SGK1: variants seen among roughly 807,000 people sequenced by gnomAD.
SGK1 encodes serum/glucocorticoid regulated kinase 1.
In SGK1, 26 loss-of-function variants were observed where a neutral mutation model predicts 64.2. The observed-to-expected ratio is 0.40, with a 90% CI of 0.30 to 0.56. The LOEUF is 0.56. Ranked by LOEUF, SGK1 falls within the 20% of genes least tolerant of loss-of-function variation. The probability of loss-of-function intolerance (pLI) is 0.38; values close to 1 mark genes in which losing one functional copy is unlikely to be tolerated. For synonymous variants in SGK1, 265 were observed against 239.7 expected (o/e 1.11, Z -0.98); for missense variants, 519 against 645.6 (o/e 0.80, Z 2.12).
At chr6:134,204,218 CA>C (rs1183733655) in intron 3 of SGK1, among the ~76,000 whole-genome samples, 3 of 131,408 alleles carry the variant, frequency 2.3e-5, no homozygotes, top group African/African-American at 8.5e-5. Context: ...ACCAACTAGG[CA>C]AAAAATAAAT....
At chr6:134,310,648 C>T (rs1010564317) in intron 1 of SGK1, among the ~76,000 whole-genome samples, 3 of 152,194 alleles carry the variant, frequency 2.0e-5, no homozygotes, top group Admixed American at 6.5e-5. Context: ...AGTACAATGG[C>T]GTGATCTTGG....
chr6:134,227,943 C>CTTTTTTTT (rs869082001), intron 2 of SGK1, among the ~76,000 whole-genome samples: 2 of 69,730 alleles, frequency 2.9e-5, no homozygotes, highest in African/African-American at 5.5e-5. Context: ...GGAATTCATT[C>CTTTTTTTT]TTTTTTTTTT....
chr6:134,208,860 ATG>A (rs1775837574), intron 2 of SGK1, among the ~76,000 whole-genome samples: 1 of 142,994 alleles, frequency 7.0e-6, no homozygotes, highest in Non-Finnish European at 1.5e-5. Flanking sequence ...GCATACATGT[ATG>A]TGTATATATG....
chr6:134,305,604 A>G (rs1777523854), intron 1 of SGK1, among the ~76,000 whole-genome samples: 1 of 151,710 alleles, frequency 6.6e-6, no homozygotes, highest in Non-Finnish European at 1.5e-5. Flanking sequence ...TTTACAATAC[A>G]GATGTGTCTC....
chr6:134,212,343 G>A (rs966925602), intron 2 of SGK1, among the ~76,000 whole-genome samples: 4 of 151,994 alleles, frequency 2.6e-5, no homozygotes, highest in African/African-American at 7.2e-5. Context: ...GTGAGCCACC[G>A]CGCCCGGTGA....
At chr6:134,228,975 C>G (rs1158015111) in intron 2 of SGK1, among the ~76,000 whole-genome samples, 4 of 152,004 alleles carry the variant, frequency 2.6e-5, no homozygotes, top group Non-Finnish European at 5.9e-5. Flanking sequence ...TCCTGAGTAG[C>G]TGGGACTACT....
At chr6:134,215,514 A>C (rs1323856319) in intron 2 of SGK1, among the ~76,000 whole-genome samples, 2 of 152,086 alleles carry the variant, frequency 1.3e-5, no homozygotes, top group Non-Finnish European at 2.9e-5. Context: ...TTGTGGTGGA[A>C]TTGGTAGGGA....
At chr6:134,247,265 G>C (rs748095915) in intron 2 of SGK1, among the ~76,000 whole-genome samples, 1 of 152,128 alleles carries the variant, frequency 6.6e-6, no homozygotes, top group African/African-American at 2.4e-5. Flanking sequence ...CAGAGCAGAG[G>C]GGGAAAATCC....
chr6:134,304,946 T>A (rs1386154745), intron 1 of SGK1, among the ~76,000 whole-genome samples: 1 of 152,228 alleles, frequency 6.6e-6, no homozygotes, highest in Admixed American at 6.5e-5. Flanking sequence ...ATGCTAAATG[T>A]GATTTCCTTC....
chr6:134,183,118 G>A (rs1042488282), intron 3 of SGK1, among the ~76,000 whole-genome samples: 2 of 152,104 alleles, frequency 1.3e-5, no homozygotes, highest in African/African-American at 4.8e-5. Flanking sequence ...CCTAGCCTCT[G>A]TTAGTTTTAA....
At chr6:134,193,153 G>A (rs1775541947) in intron 3 of SGK1, among the ~76,000 whole-genome samples, 1 of 152,076 alleles carries the variant, frequency 6.6e-6, no homozygotes. Context: ...AACTAAATTT[G>A]ACCTGAAGTC....
At chr6:134,286,444 C>G (rs1777184650) in intron 1 of SGK1, among the ~76,000 whole-genome samples, 1 of 151,284 alleles carries the variant, frequency 6.6e-6, no homozygotes, top group Non-Finnish European at 1.5e-5. Flanking sequence ...TGACAGAGCA[C>G]AGAGCAAGAC....
chr6:134,191,161 T>C (rs1775503203), intron 3 of SGK1, among the ~76,000 whole-genome samples: 2 of 152,224 alleles, frequency 1.3e-5, no homozygotes, highest in Non-Finnish European at 2.9e-5. Flanking sequence ...AGTCAGCATA[T>C]TCAATGCTTT....
intron 2 of SGK1, among the ~76,000 whole-genome samples, chr6:134,212,476 A>G (rs955125880): frequency 1.3e-5 from 2 of 152,170 alleles, no homozygotes; most frequent in African/African-American, 4.8e-5. Flanking sequence ...TTCCAAGTTA[A>G]CCAGCCCTCT....
chr6:134,174,868 C>A (rs1035903536), intron 3 of SGK1: 1 of 1,609,574 alleles, frequency 6.2e-7, no homozygotes. Flanking sequence ...GTATGCTGCG[C>A]CAGGCCGCGC....
At chr6:134,227,160 T>C (rs1181753238) in intron 2 of SGK1, among the ~76,000 whole-genome samples, 1 of 152,072 alleles carries the variant, frequency 6.6e-6, no homozygotes, top group Non-Finnish European at 1.5e-5. Flanking sequence ...AGATGGAGTC[T>C]CACTCACTCT....
intron 3 of SGK1, chr6:134,174,961 T>C: frequency 7.2e-7 from 1 of 1,395,134 alleles, no homozygotes; most frequent in Non-Finnish European, 9.4e-7. Flanking sequence ...GCCTCGCCCC[T>C]CGCCCCGCCC....
At chr6:134,264,244 C>T (rs1410966313) in intron 1 of SGK1, among the ~76,000 whole-genome samples, 2 of 151,882 alleles carry the variant, frequency 1.3e-5, no homozygotes, top group Admixed American at 6.6e-5. Flanking sequence ...CTCAGCCTCC[C>T]GAGTAGCTGG....
intron 1 of SGK1, among the ~76,000 whole-genome samples, chr6:134,304,414 G>C (rs1249467324): frequency 1.3e-5 from 2 of 152,180 alleles, no homozygotes; most frequent in Non-Finnish European, 2.9e-5. Flanking sequence ...CACTTTGGGA[G>C]GCTGAGGTGG....
Sources: gnomAD v4.1 joint callset for allele counts (sites outside exome capture counted in the v4.1 genomes callset) on GRCh38, gnomAD v4.1.1 for gene constraint, MANE v1.5 for transcripts, NCBI Gene and HGNC (gene_info 2026-07-23, HGNC 2026-07-21) for gene names.